AFF3: variants seen among roughly 807,000 people sequenced by gnomAD.
AFF3 encodes the protein AF4/FMR2 family member 3.
AFF3 carries 32 observed loss-of-function variants against 129.7 expected under a neutral mutation model. That is an observed-to-expected ratio of 0.25 (90% CI 0.19 to 0.33). AFF3 has a LOEUF of 0.33. Ranked by LOEUF, AFF3 falls within the 10% of genes least tolerant of loss-of-function variation. The pLI is 1.00. For missense variants in AFF3, 1,373 were observed against 1,592.0 expected, an observed-to-expected ratio of 0.86 and a Z score of 2.34; for synonymous variants, 644 against 635.4, an observed-to-expected ratio of 1.01 and a Z score of -0.20.
At chr2:99,755,446 T>C (rs1300650724) in intron 8 of AFF3, among the ~76,000 whole-genome samples, 1 of 152,130 alleles carries the variant, frequency 6.6e-6, no homozygotes. Context: ...TCTGTATTTT[T>C]AGTAGAGATG....
intron 4 of AFF3, among the ~76,000 whole-genome samples, chr2:100,037,291 G>C (rs1285171130): frequency 6.6e-6 from 1 of 150,382 alleles, no homozygotes; most frequent in African/African-American, 2.4e-5. Flanking sequence ...TACAATACTA[G>C]TGAAAATGTA....
intron 10 of AFF3, 74 bp from the exon 11 acceptor site, chr2:99,727,202 A>G: frequency 1.5e-6 from 2 of 1,351,888 alleles, no homozygotes; most frequent in African/African-American, 2.9e-5. Flanking sequence ...GATTAAATAT[A>G]TTTCCATGCT....
intron 4 of AFF3, among the ~76,000 whole-genome samples, chr2:100,020,557 A>T (rs758755933): frequency 2.0e-5 from 3 of 152,026 alleles, no homozygotes; most frequent in Non-Finnish European, 4.4e-5. Context: ...CACCGACCCC[A>T]ACCCCAGCCT....
intron 8 of AFF3, among the ~76,000 whole-genome samples, chr2:99,799,494 A>C (rs1685779824): frequency 6.6e-6 from 1 of 152,074 alleles, no homozygotes; most frequent in South Asian, 2.1e-4. Context: ...AGAGAGACAT[A>C]CCATGTTCAT....
chr2:99,994,793 T>A (rs564648886), intron 7 of AFF3, among the ~76,000 whole-genome samples: 2 of 152,296 alleles, frequency 1.3e-5, no homozygotes, highest in East Asian at 3.9e-4. Context: ...CATTCTAGTG[T>A]TATTCTTTAT....
chr2:99,629,153 C>T (rs903654711), intron 13 of AFF3, among the ~76,000 whole-genome samples: 19 of 152,138 alleles, frequency 1.2e-4, no homozygotes, highest in African/African-American at 4.3e-4. Flanking sequence ...CCACTGCACC[C>T]GGGCCCTTTA....
intron 9 of AFF3, among the ~76,000 whole-genome samples, chr2:99,747,864 T>C (rs1291077558): frequency 6.6e-6 from 1 of 152,154 alleles, no homozygotes; most frequent in Non-Finnish European, 1.5e-5. Flanking sequence ...AGTGCCAAAG[T>C]AATTGGCTAT....
At chr2:99,687,991 C>T (rs547289387) in intron 11 of AFF3, among the ~76,000 whole-genome samples, 128 of 152,144 alleles carry the variant, frequency 8.4e-4, no homozygotes, top group African/African-American at 2.8e-3. Context: ...TACAGGTGCC[C>T]GCCACCACGC....
chr2:99,814,503 A>C (rs911221124), intron 8 of AFF3, among the ~76,000 whole-genome samples: 1 of 152,196 alleles, frequency 6.6e-6, no homozygotes, highest in Non-Finnish European at 1.5e-5. Context: ...ACCTTCATCA[A>C]GGGAGCTACA....
chr2:99,705,612 G>A (rs1262994771), intron 11 of AFF3, among the ~76,000 whole-genome samples: 5 of 151,970 alleles, frequency 3.3e-5, no homozygotes, highest in Non-Finnish European at 5.9e-5. Flanking sequence ...GGTGGCTCAC[G>A]TCTGCATTCC....
At chr2:99,643,656 C>T (rs1013108068) in intron 13 of AFF3, among the ~76,000 whole-genome samples, 4 of 152,148 alleles carry the variant, frequency 2.6e-5, no homozygotes, top group African/African-American at 9.7e-5. Context: ...CTTTGTTTGG[C>T]TGGAGCTCGT....
At chr2:99,571,985 T>G (rs1214990182) in intron 18 of AFF3, among the ~76,000 whole-genome samples, 1 of 151,646 alleles carries the variant, frequency 6.6e-6, no homozygotes, top group Non-Finnish European at 1.5e-5. Context: ...CCATCTAATC[T>G]TCTATTTTTT....
At chr2:99,641,320 C>T (rs1334989447) in intron 13 of AFF3, among the ~76,000 whole-genome samples, 1 of 152,200 alleles carries the variant, frequency 6.6e-6, no homozygotes, top group East Asian at 1.9e-4. Flanking sequence ...GCTTTCCAGA[C>T]TGGGGGTGAA....
At chr2:99,740,319 T>TA (rs1680617867) in intron 10 of AFF3, among the ~76,000 whole-genome samples, 1 of 151,392 alleles carries the variant, frequency 6.6e-6, no homozygotes, top group Admixed American at 6.6e-5. Flanking sequence ...GTCCTTTGGG[T>TA]ATATACCCAG....
intron 7 of AFF3, among the ~76,000 whole-genome samples, chr2:99,854,639 G>C (rs1253961219): frequency 6.6e-6 from 1 of 152,076 alleles, no homozygotes. Flanking sequence ...CTCTAACGTG[G>C]GGTGCTTGGT....
chr2:100,020,172 C>T (rs112529969), intron 4 of AFF3, among the ~76,000 whole-genome samples: 11 of 151,772 alleles, frequency 7.2e-5, no homozygotes, highest in African/African-American at 1.5e-4. Context: ...TGGGGCAATC[C>T]GTGGATGCTT....
intron 8 of AFF3, among the ~76,000 whole-genome samples, chr2:99,812,653 G>A (rs558524026): frequency 5.9e-5 from 9 of 152,140 alleles, no homozygotes; most frequent in Admixed American, 2.0e-4. Context: ...CCCACTAGAT[G>A]CATAAATTGC....
intron 4 of AFF3, among the ~76,000 whole-genome samples, chr2:100,035,463 G>A (rs1464165362): frequency 1.3e-5 from 2 of 152,150 alleles, no homozygotes; most frequent in Non-Finnish European, 2.9e-5. Context: ...GATGACTAAG[G>A]AAGACCATCA....
At chr2:99,954,293 C>A (rs1676428817) in intron 7 of AFF3, among the ~76,000 whole-genome samples, 1 of 151,418 alleles carries the variant, frequency 6.6e-6, no homozygotes, top group African/African-American at 2.4e-5. Flanking sequence ...TTGGGTTTTT[C>A]TATCTTTGGT....
Sources: gnomAD v4.1 joint callset for allele counts (sites outside exome capture counted in the v4.1 genomes callset) on GRCh38, gnomAD v4.1.1 for gene constraint, MANE v1.5 for transcripts, NCBI Gene and HGNC (gene_info 2026-07-23, HGNC 2026-07-21) for gene names.